Variants in ABR observed in about 807,000 individuals in gnomAD.
ABR encodes ABR activator of RhoGEF and GTPase.
In ABR, 35 loss-of-function variants were observed where a neutral mutation model predicts 107.2. The observed-to-expected ratio is 0.33, with a 90% CI of 0.25 to 0.43. The LOEUF (loss-of-function observed/expected upper bound fraction) is 0.43, where lower values mean the gene tolerates loss of function less well. ABR is among the 20% of genes least tolerant of loss of function. ABR has a pLI of 1.00. For missense variants in ABR, 815 were observed against 1,115.2 expected, an observed-to-expected ratio of 0.73 and a Z score of 3.83; for synonymous variants, 498 against 462.0, an observed-to-expected ratio of 1.08 and a Z score of -1.00.
rs936036533 is a variant in ABR at position 1,078,020 on chromosome 17, C to T, written c.700+1310G>A. ...GACCGACAGTCGTGTTGATGACATG[C>T]ACCTGTCCCGGGACTTCCCCCCAGC... On this transcript the variant is annotated intron_variant, in intron 6 of 22. Coordinates refer to ENST00000302538, the MANE Select transcript of ABR (RefSeq NM_021962.5). The surrounding 1 kb of genome is among the most constrained non-coding windows in gnomAD (Gnocchi z 7.5). Among the ~76,000 whole-genome samples, 1 of 87,264 alleles carries T rather than the reference C, an allele frequency of 1.1e-5. No individual in the cohort carries two copies. Among genetic ancestry groups the T allele is most frequent in the Non-Finnish European group, 2.2e-5 (1 of 45,802 alleles). 57.2% of individuals were successfully genotyped at this position (87,264 alleles called of 152,430 possible).
At chr17:1,059,665 C>T (rs2033708616) in intron 10 of ABR, among the ~76,000 whole-genome samples, 2 of 152,196 alleles carry the variant, frequency 1.3e-5, no homozygotes, top group African/African-American at 4.8e-5. Flanking sequence ...AGAGCCTGCT[C>T]CCTCAATGTT....
chr17:1,211,917 C>T (rs2042910295), intron 1 of ABR, among the ~76,000 whole-genome samples: 1 of 151,726 alleles, frequency 6.6e-6, no homozygotes, highest in African/African-American at 2.4e-5. Context: ...CCCGTCTCTA[C>T]TAAAAATACA....
At chr17:1,111,450 C>T (rs533422547) in intron 2 of ABR, among the ~76,000 whole-genome samples, 1 of 152,042 alleles carries the variant, frequency 6.6e-6, no homozygotes, top group East Asian at 1.9e-4. Flanking sequence ...GCTTCCCTCC[C>T]CTTCCCTGAC....
Position 1,050,676 on chromosome 17 carries a change from C to T in ABR, c.1562-42G>A. 1 of 1,539,076 alleles carries T rather than the reference C, an allele frequency of 6.5e-7. No homozygotes were observed. Among genetic ancestry groups the T allele is most frequent in the Non-Finnish European group, 9.0e-7 (1 of 1,113,080 alleles). ...GACGGAGATACTGAGTGAGTGGGGC[C>T]AGGGTGGGGCAGCTGGGGCGGCACT... On this transcript the variant is annotated intron_variant, in intron 14 of 22. Coordinates refer to ENST00000302538, the MANE Select transcript of ABR (RefSeq NM_021962.5). This position sits in a 1 kb window ranked among gnomAD's most constrained non-coding sequence, Gnocchi z 4.6.
At chr17:1,203,775 C>CG (rs1389404642) in intron 1 of ABR, among the ~76,000 whole-genome samples, 1 of 152,054 alleles carries the variant, frequency 6.6e-6, no homozygotes, top group East Asian at 1.9e-4. Flanking sequence ...GGGAACCTCG[C>CG]GGGGCGAAGG....
At chr17:1,109,183 G>A (rs1024589446) in intron 2 of ABR, 9 of 1,333,516 alleles carry the variant, frequency 6.7e-6, no homozygotes, top group Non-Finnish European at 8.8e-6. Flanking sequence ...CCGCGCGCCC[G>A]GCCTGGGGCT....
chr17:1,036,523 C>T (rs752061849), intron 16 of ABR, among the ~76,000 whole-genome samples: 4 of 151,654 alleles, frequency 2.6e-5, no homozygotes, highest in African/African-American at 7.3e-5. Flanking sequence ...GAGAGCAGGG[C>T]GGACCCGAGG....
Position 1,011,847 on chromosome 17 carries a change from G to A in ABR, c.2100C>T (p.Ala700=). Reference sequence around the variant, plus strand: ...CCCGGCTGGGCCTCCCAGACTCACTGGCATCGAAGACGGCCTTGAGCGCCT... The same window carrying A: ...CCCGGCTGGGCCTCCCAGACTCACTAGCATCGAAGACGGCCTTGAGCGCCT... ...DIQALKAVFD[A]NNKDILLMLS... Residue 700 remains alanine (A), a splice_region_variant and synonymous_variant, in exon 19 of 23, where the codon GCC becomes GCT. Transcript: ENST00000302538. This position sits in a 1 kb window ranked among gnomAD's most constrained non-coding sequence, Gnocchi z 4.8. The A allele has an allele frequency of 6.4e-7, 1 of 1,571,570 alleles. No homozygotes were observed. Among genetic ancestry groups the A allele is most frequent in the Middle Eastern group, 1.7e-4 (1 of 5,880 alleles).
chr17:1,077,040 T>C (rs1005119797), intron 6 of ABR, among the ~76,000 whole-genome samples: 1 of 152,192 alleles, frequency 6.6e-6, no homozygotes. Context: ...TTATTTCCTG[T>C]GATTAAAACG....
At chr17:1,144,589 A>C (rs1597962964) in intron 1 of ABR, among the ~76,000 whole-genome samples, 1 of 48,804 alleles carries the variant, frequency 2.0e-5, no homozygotes, top group Admixed American at 1.7e-4. Flanking sequence ...TCAATCAGGC[A>C]AAAAAAAAAA....
intron 2 of ABR, among the ~76,000 whole-genome samples, chr17:1,102,911 T>C (rs758149076): frequency 5.3e-5 from 8 of 152,100 alleles, no homozygotes; most frequent in Non-Finnish European, 1.2e-4. Flanking sequence ...GGTTTCACCA[T>C]GTTGGCCAGG....
At chr17:1,222,126 G>A (rs984064172) in intron 1 of ABR, among the ~76,000 whole-genome samples, 7 of 150,844 alleles carry the variant, frequency 4.6e-5, no homozygotes, top group South Asian at 2.1e-4. Flanking sequence ...GTGCAGAGTC[G>A]TGATCTCGGC....
intron 1 of ABR, among the ~76,000 whole-genome samples, chr17:1,204,163 G>T (rs2042743201): frequency 6.6e-6 from 1 of 152,204 alleles, no homozygotes; most frequent in South Asian, 2.1e-4. Context: ...ACTTAATGTG[G>T]GCCGGGCGCG....
intron 8 of ABR, among the ~76,000 whole-genome samples, 154 bp downstream of exon 8, chr17:1,072,458 ACC>A (rs1229686683): frequency 2.0e-4 from 14 of 71,288 alleles, no homozygotes; most frequent in South Asian, 1.4e-3. Flanking sequence ...GGGACGAGGG[ACC>A]TGCCGCCCGT....
At position 1,084,730 on chromosome 17, in the gene ABR, T is replaced by C. The variant is rs1160555362; in HGVS notation, c.532-1103A>G. 6.6e-6 allele frequency among the ~76,000 whole-genome samples: 1 copy of C among 152,260 alleles called. No homozygotes were observed. The highest frequency in any genetic ancestry group is 1.5e-5 in the Non-Finnish European group (1 of 68,050). Reference sequence around the variant, plus strand: ...ATTAAAGCCATCACGAGATATTTTATACTCATCAGAAGGGTCAAAATTTAA... The same window carrying C: ...ATTAAAGCCATCACGAGATATTTTACACTCATCAGAAGGGTCAAAATTTAA... On this transcript the variant is annotated intron_variant, in intron 4 of 22. Coordinates refer to ENST00000302538, the MANE Select transcript of ABR (RefSeq NM_021962.5). The surrounding 1 kb of genome is among the most constrained non-coding windows in gnomAD (Gnocchi z 4.2).
At chr17:1,125,765 G>A in intron 1 of ABR, 2 of 252,484 alleles carry the variant, frequency 7.9e-6, no homozygotes, top group Non-Finnish European at 1.5e-5. Flanking sequence ...TAGGGAATAA[G>A]GAGGTGGGGG....
chr17:1,204,302 G>A (rs531594046), intron 1 of ABR, among the ~76,000 whole-genome samples: 6 of 152,298 alleles, frequency 3.9e-5, no homozygotes, highest in Admixed American at 1.3e-4. Context: ...AACATTATCC[G>A]GGCGTGGTGG....
At chr17:1,093,958 C>T (rs2037213166) in intron 3 of ABR, among the ~76,000 whole-genome samples, 1 of 152,208 alleles carries the variant, frequency 6.6e-6, no homozygotes, top group African/African-American at 2.4e-5. Context: ...CCTTCTGACC[C>T]TCGCCGCGCT....
At chr17:1,172,494 T>TCATCCCAGCA (rs1485704131) in intron 1 of ABR, among the ~76,000 whole-genome samples, 1 of 152,124 alleles carries the variant, frequency 6.6e-6, no homozygotes, top group African/African-American at 2.4e-5. Context: ...CTCACACCTG[T>TCATCCCAGCA]CATCCCAGCA....
Sources: allele counts gnomAD v4.1 joint callset (sites outside exome capture counted in the v4.1 genomes callset), GRCh38; gene constraint gnomAD v4.1.1; non-coding constraint Gnocchi (gnomAD v3.1); transcripts MANE v1.5; gene names NCBI Gene and HGNC (gene_info 2026-07-23, HGNC 2026-07-21).